Variants in TENM3 observed in about 807,000 individuals in gnomAD.
The protein encoded by TENM3 is teneurin transmembrane protein 3, also known as teneurin-3.
TENM3 carries 63 observed loss-of-function variants against 255.1 expected under a neutral mutation model. The observed-to-expected ratio is 0.25, with a 90% CI of 0.20 to 0.30. TENM3 has a LOEUF of 0.30. TENM3 is among the 10% of genes least tolerant of loss of function. The pLI, the probability that TENM3 is intolerant of heterozygous loss-of-function variation, is 1.00. For missense variants in TENM3, 2,929 were observed against 3,461.1 expected, an observed-to-expected ratio of 0.85 and a Z score of 3.86; for synonymous variants, 1,306 against 1,322.3, an observed-to-expected ratio of 0.99 and a Z score of 0.27.
At chr4:182,313,429 A>G (rs975584268) in intron 1 of TENM3, among the ~76,000 whole-genome samples, 1 of 152,056 alleles carries the variant, frequency 6.6e-6, no homozygotes, top group African/African-American at 2.4e-5. Flanking sequence ...CAACATAAAT[A>G]TATCTTTATC....
At chr4:182,643,855 G>GTTTTGAGGT (rs1015938592) in intron 5 of TENM3, among the ~76,000 whole-genome samples, 84 of 152,260 alleles carry the variant, frequency 5.5e-4, no homozygotes, top group African/African-American at 2.0e-3. Context: ...CTTTGATGAA[G>GTTTTGAGGT]TTTTGAGGTT....
At chr4:182,040,736 G>T in the TENM3 span, among the ~76,000 whole-genome samples, 1 of 152,098 alleles carries the variant, frequency 6.6e-6, no homozygotes, top group Non-Finnish European at 1.5e-5. Context: ...TTATCTCTTA[G>T]TCAACAAGGT....
the TENM3 span, among the ~76,000 whole-genome samples, chr4:181,936,491 C>G: frequency 6.6e-6 from 1 of 152,150 alleles, no homozygotes; most frequent in East Asian, 1.9e-4. Context: ...TCTCTTTCGC[C>G]TACCCTTCAC....
intron 3 of TENM3, among the ~76,000 whole-genome samples, chr4:182,564,690 ATTG>A (rs1210436096): frequency 6.6e-6 from 1 of 151,418 alleles, no homozygotes; most frequent in East Asian, 1.9e-4. Flanking sequence ...AAAGTGCCCT[ATTG>A]TTACAGCATT....
At chr4:181,989,600 G>A in the TENM3 span, among the ~76,000 whole-genome samples, 2,936 of 152,198 alleles carry the variant, frequency 0.019, 96 homozygotes, top group African/African-American at 0.067. Flanking sequence ...GACACATTGT[G>A]TAGGATTGTT....
At chr4:182,357,063 C>A (rs1358880451) in intron 3 of TENM3, among the ~76,000 whole-genome samples, 5 of 152,132 alleles carry the variant, frequency 3.3e-5, no homozygotes, top group African/African-American at 9.7e-5. Flanking sequence ...TTTTTTATGA[C>A]TGCATAGTAT....
At chr4:181,497,536 T>C in the TENM3 span, among the ~76,000 whole-genome samples, 4 of 152,162 alleles carry the variant, frequency 2.6e-5, no homozygotes, top group Admixed American at 2.0e-4. Flanking sequence ...ATAAATCTTA[T>C]TGTAATGCCT....
intron 5 of TENM3, among the ~76,000 whole-genome samples, chr4:182,650,881 TAAAA>T (rs1230977965): frequency 0.011 from 636 of 60,214 alleles, 10 homozygotes; most frequent in African/African-American, 0.032. Context: ...TTTTCTGTAA[TAAAA>T]AAAAATATAT....
At chr4:181,880,569 A>G in the TENM3 span, among the ~76,000 whole-genome samples, 3 of 152,270 alleles carry the variant, frequency 2.0e-5, no homozygotes, top group South Asian at 2.1e-4. Context: ...TTATTACCCA[A>G]TTTTTAGTAA....
chr4:182,016,423 ATTTGT>A, the TENM3 span, among the ~76,000 whole-genome samples: 1 of 152,150 alleles, frequency 6.6e-6, no homozygotes, highest in African/African-American at 2.4e-5. Flanking sequence ...CTGAGATGGT[ATTTGT>A]TAAGGCAGGT....
chr4:182,313,373 T>C (rs1418301202), intron 1 of TENM3, among the ~76,000 whole-genome samples: 1 of 151,958 alleles, frequency 6.6e-6, no homozygotes, highest in Non-Finnish European at 1.5e-5. Context: ...ATGAGTAGTT[T>C]TGAATTTTAA....
At chr4:182,031,188 T>A in the TENM3 span, among the ~76,000 whole-genome samples, 1 of 152,192 alleles carries the variant, frequency 6.6e-6, no homozygotes, top group Non-Finnish European at 1.5e-5. Flanking sequence ...TAGTTTTGGG[T>A]TTTCCATTTA....
intron 1 of TENM3, among the ~76,000 whole-genome samples, chr4:182,314,401 A>G (rs1424518188): frequency 6.6e-6 from 1 of 152,154 alleles, no homozygotes; most frequent in Non-Finnish European, 1.5e-5. Flanking sequence ...GCATTTATAC[A>G]TGTAGGATAA....
At chr4:181,734,087 T>C in the TENM3 span, among the ~76,000 whole-genome samples, 1 of 152,340 alleles carries the variant, frequency 6.6e-6, no homozygotes, top group East Asian at 1.9e-4. Context: ...GCTTTTTCAA[T>C]CATCTTATGT....
intron 1 of TENM3, among the ~76,000 whole-genome samples, chr4:182,211,547 T>C (rs1480469249): frequency 1.3e-5 from 2 of 152,216 alleles, no homozygotes; most frequent in Non-Finnish European, 2.9e-5. Context: ...ACACTCCCAA[T>C]GTTAACCACG....
chr4:182,261,769 C>T (rs2726780), intron 1 of TENM3, among the ~76,000 whole-genome samples: 127,691 of 152,182 alleles, frequency 0.84, 54,167 homozygotes, highest in African/African-American at 0.95. Context: ...GGCTGAAACA[C>T]TGGATCATTG....
intron 3 of TENM3, among the ~76,000 whole-genome samples, chr4:182,511,528 A>C (rs1482908517): frequency 6.6e-6 from 1 of 152,178 alleles, no homozygotes; most frequent in Non-Finnish European, 1.5e-5. Context: ...AATATGTTTA[A>C]CTTCACCTTG....
At chr4:181,818,571 G>A in the TENM3 span, among the ~76,000 whole-genome samples, 9 of 150,700 alleles carry the variant, frequency 6.0e-5, no homozygotes, top group South Asian at 4.2e-4. Flanking sequence ...GGTTTGTTAC[G>A]TGGGTAAATG....
chr4:182,784,656 G>A (rs1296951201), intron 24 of TENM3, among the ~76,000 whole-genome samples: 5 of 151,016 alleles, frequency 3.3e-5, no homozygotes, highest in African/African-American at 7.3e-5. Context: ...CCCAAGCCTC[G>A]CTGCCGCCTT....
Sources: gnomAD v4.1 joint callset for allele counts (sites outside exome capture counted in the v4.1 genomes callset) on GRCh38, gnomAD v4.1.1 for gene constraint, MANE v1.5 for transcripts, NCBI Gene and HGNC (gene_info 2026-07-23, HGNC 2026-07-21) for gene names.